The following MTA3 variants were observed in gnomAD, a reference collection of about 807,000 sequenced individuals.
The protein encoded by MTA3 is metastasis-associated protein MTA3.
In MTA3, 34 loss-of-function variants were observed where a neutral mutation model predicts 83.5. That is an observed-to-expected ratio of 0.41 (90% CI 0.31 to 0.54). The LOEUF (loss-of-function observed/expected upper bound fraction) is 0.54, where lower values mean the gene tolerates loss of function less well. Among genes scored for constraint, MTA3 ranks in the 20% least tolerant of loss-of-function variants. The probability of loss-of-function intolerance (pLI) is 0.33; values close to 1 mark genes in which losing one functional copy is unlikely to be tolerated. For missense variants in MTA3, 761 were observed against 726.4 expected (o/e 1.05, Z -0.55); for synonymous variants, 303 against 252.7 (o/e 1.20, Z -1.89).
At chr2:42,654,756 A>T (rs939320212) in intron 6 of MTA3, among the ~76,000 whole-genome samples, 1 of 152,174 alleles carries the variant, frequency 6.6e-6, no homozygotes, top group Non-Finnish European at 1.5e-5. Flanking sequence ...TTATAACTAC[A>T]GGCATATGCC....
intron 4 of MTA3, among the ~76,000 whole-genome samples, chr2:42,635,921 A>G (rs1331016621): frequency 1.3e-5 from 2 of 151,960 alleles, no homozygotes; most frequent in Admixed American, 1.3e-4. Context: ...GTGCACCACC[A>G]CACCCAGCTA....
chr2:42,753,579 G>T lies in MTA3; in HGVS notation c.*180G>T. 1 of 1,412,342 alleles carries T rather than the reference G, an allele frequency of 7.1e-7. No homozygotes were observed. The highest frequency in any genetic ancestry group is 9.2e-7 in the Non-Finnish European group (1 of 1,083,138). The allele number at this position is 1,412,342 out of a possible 1,614,324, so 87.5% of individuals were successfully genotyped here. A position where few individuals can be genotyped will look rare whatever the true frequency, so the allele number is the denominator to read the frequency against. On this transcript the variant is annotated 3_prime_UTR_variant, in exon 17 of 17. Transcript: ENST00000405094. The stretch of plus-strand genomic sequence containing the variant: ...TGTGGGAGTGCACGTTCCAAATCCT[G>T]TGTCTCCACGTGTGGATCAGCAGCA...
chr2:42,529,254 C>G (rs1396854416), intron 2 of MTA3, among the ~76,000 whole-genome samples: 1 of 152,136 alleles, frequency 6.6e-6, no homozygotes, highest in Non-Finnish European at 1.5e-5. Context: ...ACCAGCTAGG[C>G]CTCTTTACTC....
At chr2:42,579,317 GT>G in intron 3 of MTA3, 117 bp downstream of exon 3, 1 of 705,894 alleles carries the variant, frequency 1.4e-6, no homozygotes, top group Middle Eastern at 2.7e-4. Flanking sequence ...CTTCTTTGTA[GT>G]TTTGATGGGA....
At position 42,698,334 on chromosome 2, in the gene MTA3, T is replaced by G. The variant is rs1055289514; in HGVS notation, c.1025+500T>G. ...TTTGTCTAGTGTTCTATCATTATTATCCTTTGAATTCAGAAATCATTGTCA... is the reference window on the plus strand; with the variant it reads ...TTTGTCTAGTGTTCTATCATTATTAGCCTTTGAATTCAGAAATCATTGTCA... On this transcript the variant is annotated intron_variant, in intron 11 of 16. Transcript: ENST00000405094. 2.0e-5 allele frequency: 3 copies of G among 152,284 alleles called. No individual in the cohort carries two copies. The South Asian group carries it at 6.2e-4, about 32-fold the overall frequency. The allele number at this position is 152,284 out of a possible 1,614,324, so 9.4% of individuals were successfully genotyped here.
At chr2:42,592,292 A>C (rs752748192) in intron 3 of MTA3, among the ~76,000 whole-genome samples, 4 of 151,718 alleles carry the variant, frequency 2.6e-5, no homozygotes, top group Non-Finnish European at 5.9e-5. Flanking sequence ...CAAAAAACCA[A>C]TTCATTTATG....
intron 4 of MTA3, among the ~76,000 whole-genome samples, chr2:42,629,513 C>A (rs1686465030): frequency 6.6e-6 from 1 of 152,172 alleles, no homozygotes; most frequent in Non-Finnish European, 1.5e-5. Flanking sequence ...AGTCAGTACT[C>A]TGAGACACCA....
chr2:42,556,491 C>T (rs992445356), intron 2 of MTA3, among the ~76,000 whole-genome samples: 7 of 152,206 alleles, frequency 4.6e-5, no homozygotes, highest in Non-Finnish European at 8.8e-5. Context: ...TTCCATTTCC[C>T]CCAGTGCCTG....
At position 42,720,951 on chromosome 2, in the gene MTA3, C is replaced by CAAA. The variant is rs377702701; in HGVS notation, c.1612+1898_1612+1900dup. 1.9e-3 allele frequency among the ~76,000 whole-genome samples: 130 copies of CAAA among 69,418 alleles called. 1 individual carries two copies. The highest frequency in any genetic ancestry group is 2.7e-3 in the African/African-American group (50 of 18,588). 45.5% of individuals were successfully genotyped at this position (69,418 alleles called of 152,430 possible). A position where few individuals can be genotyped will look rare whatever the true frequency, so the allele number is the denominator to read the frequency against. On this transcript the variant is annotated intron_variant, in intron 15 of 16. Transcript: ENST00000405094. ...CAAGTGACCAATTGAGACCCTGTCT[C>CAAA]AAAAAAAAAAAAAAAAAAAAAAAGA...
At chr2:42,606,187 G>GC in intron 3 of MTA3, among the ~76,000 whole-genome samples, 1 of 60,344 alleles carries the variant, frequency 1.7e-5, no homozygotes, top group Non-Finnish European at 3.0e-5. Context: ...CGGCTGGCCG[G>GC]GCGGGGGGCT....
chr2:42,727,426 A>G (rs140060876), intron 16 of MTA3, among the ~76,000 whole-genome samples: 1 of 152,150 alleles, frequency 6.6e-6, no homozygotes, highest in Non-Finnish European at 1.5e-5. Flanking sequence ...GGACATTTTT[A>G]CTGCTAGCAA....
At chr2:42,629,564 A>G (rs778715795) in intron 4 of MTA3, among the ~76,000 whole-genome samples, 33 of 152,288 alleles carry the variant, frequency 2.2e-4, no homozygotes, top group Non-Finnish European at 7.3e-5. Flanking sequence ...AGGTCCTTGA[A>G]CAAGGAGGTG....
At chr2:42,627,238 C>T (rs1293047715) in intron 4 of MTA3, among the ~76,000 whole-genome samples, 2 of 152,064 alleles carry the variant, frequency 1.3e-5, no homozygotes. Flanking sequence ...CCACCATGCC[C>T]AGCTAACTTA....
intron 7 of MTA3, among the ~76,000 whole-genome samples, chr2:42,656,612 A>G (rs1210642651): frequency 1.3e-5 from 2 of 152,210 alleles, no homozygotes; most frequent in African/African-American, 2.4e-5. Flanking sequence ...TTTACTTGAC[A>G]TAGCTTTACT....
At chr2:42,674,226 C>G (rs1321993256) in intron 8 of MTA3, among the ~76,000 whole-genome samples, 1 of 152,224 alleles carries the variant, frequency 6.6e-6, no homozygotes, top group Non-Finnish European at 1.5e-5. Flanking sequence ...AGCCCAACAT[C>G]AGTGGAGTGG....
chr2:42,609,426 A>G (rs190750394), intron 3 of MTA3, 32 bp from the exon 4 acceptor site: 1 of 1,603,158 alleles, frequency 6.2e-7, no homozygotes, highest in East Asian at 2.2e-5. Context: ...TGTGCTTTGT[A>G]CTAATAAATT....
chr2:42,589,385 T>G (rs1680703571), intron 3 of MTA3, among the ~76,000 whole-genome samples: 1 of 152,196 alleles, frequency 6.6e-6, no homozygotes, highest in South Asian at 2.1e-4. Context: ...TGGATTTAAT[T>G]TGTTCAGTTG....
At chr2:42,593,156 A>G (rs1173798366) in intron 3 of MTA3, among the ~76,000 whole-genome samples, 4 of 136,732 alleles carry the variant, frequency 2.9e-5, no homozygotes, top group African/African-American at 1.1e-4. Context: ...CTGTCTCAAA[A>G]AAAAAAAATT....
chr2:42,698,910 T>TA (rs1381020344), intron 11 of MTA3, among the ~76,000 whole-genome samples: 1 of 152,186 alleles, frequency 6.6e-6, no homozygotes, highest in Admixed American at 6.5e-5. Flanking sequence ...TCCTTCTAAA[T>TA]TATATGTTTT....
Sources: gnomAD v4.1 joint callset for allele counts (sites outside exome capture counted in the v4.1 genomes callset) on GRCh38, gnomAD v4.1.1 for gene constraint, MANE v1.5 for transcripts, NCBI Gene and HGNC (gene_info 2026-07-23, HGNC 2026-07-21) for gene names.